FARS2: variants seen among roughly 807,000 people sequenced by gnomAD.
FARS2 encodes phenylalanyl-tRNA synthetase 2, mitochondrial, also known as phenylalanine--tRNA ligase, mitochondrial.
Under a neutral mutation model 46.4 loss-of-function variants are expected in FARS2, and 40 were observed. The ratio of observed to expected loss-of-function variants is 0.86; its 90% confidence interval spans 0.67 to 1.12. The LOEUF (loss-of-function observed/expected upper bound fraction) is 1.12, where lower values mean the gene tolerates loss of function less well. FARS2 is among the 50% of genes most tolerant of loss of function. The pLI is 0.00. For synonymous variants in FARS2, 234 were observed against 214.9 expected, an observed-to-expected ratio of 1.09 and a Z score of -0.78; for missense variants, 513 against 567.9, an observed-to-expected ratio of 0.90 and a Z score of 0.98.
chr6:5,488,721 G>T (rs1372089915), intron 4 of FARS2, among the ~76,000 whole-genome samples: 1 of 152,028 alleles, frequency 6.6e-6, no homozygotes, highest in East Asian at 1.9e-4. Context: ...ATTATCTTTG[G>T]TAAAATCACC....
chr6:5,453,499 G>A (rs1316542998), intron 4 of FARS2, among the ~76,000 whole-genome samples: 1 of 152,186 alleles, frequency 6.6e-6, no homozygotes, highest in Non-Finnish European at 1.5e-5. Flanking sequence ...TCATCTATGA[G>A]GCGGAATGTG....
chr6:5,610,442 A>G (rs1775113126), intron 5 of FARS2, among the ~76,000 whole-genome samples: 2 of 152,214 alleles, frequency 1.3e-5, no homozygotes, highest in East Asian at 1.9e-4. Context: ...GGGAAAAACA[A>G]TTTAAAAATA....
intron 1 of FARS2, among the ~76,000 whole-genome samples, chr6:5,341,212 TA>T (rs1561969765): frequency 2.6e-3 from 17 of 6,490 alleles, no homozygotes; most frequent in African/African-American, 5.6e-3. Context: ...TATATATATA[TA>T]TATATATATA....
At chr6:5,671,485 G>C (rs1778456964) in intron 6 of FARS2, among the ~76,000 whole-genome samples, 4 of 152,210 alleles carry the variant, frequency 2.6e-5, no homozygotes, top group African/African-American at 9.6e-5. Flanking sequence ...GTTACAGAAA[G>C]AACTATGGTG....
chr6:5,695,023 CAGAT>C (rs1415512931), intron 6 of FARS2: 5 of 152,112 alleles, frequency 3.3e-5, no homozygotes, highest in African/African-American at 1.2e-4. Flanking sequence ...AAGAAAAAAA[CAGAT>C]ATATATAAAT....
chr6:5,634,402 A>G (rs1448115181), intron 6 of FARS2, among the ~76,000 whole-genome samples: 1 of 152,190 alleles, frequency 6.6e-6, no homozygotes, highest in Non-Finnish European at 1.5e-5. Flanking sequence ...TTCCGGGCTC[A>G]AGCAAGCCTC....
intron 2 of FARS2, among the ~76,000 whole-genome samples, chr6:5,374,318 G>T (rs1020143850): frequency 6.6e-6 from 1 of 152,116 alleles, no homozygotes; most frequent in Non-Finnish European, 1.5e-5. Flanking sequence ...GGCTGAATAT[G>T]TACTGGGATT....
At chr6:5,375,515 C>G (rs1418863441) in intron 2 of FARS2, among the ~76,000 whole-genome samples, 1 of 151,946 alleles carries the variant, frequency 6.6e-6, no homozygotes, top group Non-Finnish European at 1.5e-5. Flanking sequence ...CAGCGCAAAT[C>G]CAACCAAAAT....
chr6:5,419,847 C>G (rs886613623), intron 3 of FARS2, among the ~76,000 whole-genome samples: 17 of 152,166 alleles, frequency 1.1e-4, no homozygotes, highest in African/African-American at 3.6e-4. Flanking sequence ...AGGAGGCAGG[C>G]TCCTGGTTCT....
Position 5,368,800 on chromosome 6 carries a change from A to G in FARS2, c.230A>G (p.Asn77Ser). The G allele has an allele frequency of 1.9e-6, 3 of 1,614,168 alleles. No individual in the cohort carries two copies. The highest frequency in any genetic ancestry group is 2.5e-6 in the Non-Finnish European group (3 of 1,180,014). Reference protein sequence around the residue: ...TRKVLTRVGRNLHNQQHHPLW... With the variant: ...TRKVLTRVGRSLHNQQHHPLW... ...AAGGTCCTCACCAGAGTTGGCAGGAACCTGCACAACCAGCAGCATCACCCT... is the reference window on the plus strand; with the variant it reads ...AAGGTCCTCACCAGAGTTGGCAGGAGCCTGCACAACCAGCAGCATCACCCT... Residue 77 changes from asparagine to serine, a missense_variant, in exon 2 of 7, where the codon AAC becomes AGC. Transcript: ENST00000274680.
intron 6 of FARS2, among the ~76,000 whole-genome samples, chr6:5,753,047 G>A (rs1436570422): frequency 6.6e-6 from 1 of 151,998 alleles, no homozygotes; most frequent in East Asian, 1.9e-4. Flanking sequence ...GAGAGTTTGA[G>A]AAGTATATGA....
At chr6:5,305,295 T>C (rs1368781630) in intron 1 of FARS2, among the ~76,000 whole-genome samples, 2 of 152,356 alleles carry the variant, frequency 1.3e-5, no homozygotes, top group African/African-American at 4.8e-5. Context: ...TTTCCTAAAA[T>C]GTCTAGCACA....
At chr6:5,546,086 C>A (rs1168131396) in intron 5 of FARS2, among the ~76,000 whole-genome samples, 1 of 151,926 alleles carries the variant, frequency 6.6e-6, no homozygotes, top group Non-Finnish European at 1.5e-5. Context: ...TGAGATCGTG[C>A]CATTGCACTC....
chr6:5,550,295 G>A (rs1771295098), intron 5 of FARS2, among the ~76,000 whole-genome samples: 1 of 151,960 alleles, frequency 6.6e-6, no homozygotes, highest in South Asian at 2.1e-4. Flanking sequence ...ATTTATTTAT[G>A]AGGCCAGGTC....
At chr6:5,318,779 A>G (rs1413764923) in intron 1 of FARS2, among the ~76,000 whole-genome samples, 1 of 151,908 alleles carries the variant, frequency 6.6e-6, no homozygotes, top group African/African-American at 2.4e-5. Context: ...GTGGGAGGGG[A>G]AGAGTAGGTC....
chr6:5,615,027 GT>G (rs1775398730), intron 6 of FARS2, among the ~76,000 whole-genome samples: 8 of 151,988 alleles, frequency 5.3e-5, no homozygotes, highest in Admixed American at 2.6e-4. Flanking sequence ...TTTGCTTTTT[GT>G]TTTAAAGGAT....
chr6:5,306,524 A>G (rs9405818), intron 1 of FARS2, among the ~76,000 whole-genome samples: 67,584 of 151,880 alleles, frequency 0.44, 16,112 homozygotes, highest in African/African-American at 0.63. Context: ...GGAATTTATG[A>G]GTATTTACAT....
chr6:5,312,363 C>T (rs1474875947), intron 1 of FARS2, among the ~76,000 whole-genome samples: 2 of 152,110 alleles, frequency 1.3e-5, no homozygotes, highest in African/African-American at 4.8e-5. Flanking sequence ...TATACACTTT[C>T]ACTTAAACTT....
rs17276362 is a variant in FARS2 at position 5,590,486 on chromosome 6, C to T, written c.1066-22683C>T. Among the ~76,000 whole-genome samples, 1,246 of 152,258 alleles carry T rather than the reference C, an allele frequency of 8.2e-3. 8 individuals are homozygous for T. The highest frequency in any genetic ancestry group is 0.016 in the South Asian group (75 of 4,820). Reference sequence around the variant, plus strand: ...TGGTGTCGTCTAGCACAGAGGTGTTCGTTGTTTGATGAGGGACAGGCTGGG... The same window carrying T: ...TGGTGTCGTCTAGCACAGAGGTGTTTGTTGTTTGATGAGGGACAGGCTGGG... On this transcript the variant is annotated intron_variant, in intron 5 of 6. Transcript: ENST00000274680.
Sources: allele counts gnomAD v4.1 joint callset (sites outside exome capture counted in the v4.1 genomes callset), GRCh38; gene constraint gnomAD v4.1.1; transcripts MANE v1.5; gene names NCBI Gene and HGNC (gene_info 2026-07-23, HGNC 2026-07-21).